The following RAB30 variants were observed in gnomAD, a reference collection of about 807,000 sequenced individuals.
RAB30 encodes the protein ras-related protein Rab-30.
In RAB30, 9 loss-of-function variants were observed where a neutral mutation model predicts 25.1. The observed-to-expected ratio is 0.36, with a 90% CI of 0.22 to 0.63. The LOEUF (loss-of-function observed/expected upper bound fraction) is 0.63, where lower values mean the gene tolerates loss of function less well. Among genes scored for constraint, RAB30 ranks in the 20% least tolerant of loss-of-function variants. The pLI, the probability that RAB30 is intolerant of heterozygous loss-of-function variation, is 0.69. For missense variants in RAB30, 140 were observed against 243.5 expected (o/e 0.58, Z 2.83); for synonymous variants, 77 against 86.4 (o/e 0.89, Z 0.60).
intron 1 of RAB30, among the ~76,000 whole-genome samples, chr11:83,030,323 C>G (rs569711416): frequency 6.7e-6 from 1 of 148,938 alleles, no homozygotes; most frequent in Non-Finnish European, 1.5e-5. Context: ...ATGGTGAGAC[C>G]GCATCTCTTC....
intron 1 of RAB30, among the ~76,000 whole-genome samples, chr11:83,016,094 T>C (rs1203193441): frequency 2.0e-5 from 3 of 152,158 alleles, no homozygotes; most frequent in Non-Finnish European, 4.4e-5. Context: ...GCTCTGATCA[T>C]GCCACTGTAC....
intron 1 of RAB30, among the ~76,000 whole-genome samples, chr11:83,042,578 C>G (rs1209576195): frequency 6.6e-6 from 1 of 151,890 alleles, no homozygotes; most frequent in African/African-American, 2.4e-5. Context: ...CAAAAAAACC[C>G]ACAAATCTTT....
intron 1 of RAB30, among the ~76,000 whole-genome samples, chr11:83,037,362 G>A (rs2121514406): frequency 6.6e-6 from 1 of 152,008 alleles, no homozygotes; most frequent in South Asian, 2.1e-4. Context: ...CAATTCTCCT[G>A]CCTCAGCCTC....
intron 1 of RAB30, among the ~76,000 whole-genome samples, chr11:83,018,191 C>T (rs1249386532): frequency 2.7e-5 from 4 of 150,236 alleles, no homozygotes; most frequent in Non-Finnish European, 5.9e-5. Flanking sequence ...CCCAGCTACT[C>T]GGGAGGCTGA....
At chr11:83,006,272 T>C (rs1857183476) in intron 1 of RAB30, among the ~76,000 whole-genome samples, 1 of 152,228 alleles carries the variant, frequency 6.6e-6, no homozygotes, top group Non-Finnish European at 1.5e-5. Context: ...AGGATATTTA[T>C]TACAACAGTA....
chr11:83,044,351 T>C (rs1013841812), intron 1 of RAB30, among the ~76,000 whole-genome samples: 2 of 152,252 alleles, frequency 1.3e-5, no homozygotes, highest in Non-Finnish European at 2.9e-5. Flanking sequence ...ACGCTGTATA[T>C]TGACTTATGT....
intron 1 of RAB30, among the ~76,000 whole-genome samples, chr11:83,027,679 A>T (rs1857756674): frequency 6.6e-6 from 1 of 152,206 alleles, no homozygotes; most frequent in African/African-American, 2.4e-5. Flanking sequence ...AATGAAAAAA[A>T]ATAAAATGTA....
chr11:83,045,079 T>A (rs1437188103), intron 1 of RAB30, among the ~76,000 whole-genome samples: 2 of 152,180 alleles, frequency 1.3e-5, no homozygotes, highest in Non-Finnish European at 2.9e-5. Context: ...TTAGCCTATC[T>A]CATGAAAGGA....
At chr11:82,984,707 T>C (rs1196551262) in intron 4 of RAB30, among the ~76,000 whole-genome samples, 1 of 152,134 alleles carries the variant, frequency 6.6e-6, no homozygotes, top group Non-Finnish European at 1.5e-5. Context: ...TCAGGAGGGC[T>C]CCTAACACCT....
Position 82,982,385 on chromosome 11 carries a change from T to C in RAB30, c.392A>G (p.Glu131Gly). ...TTCTTCAGCTCGCTGCTGGGAAACC[T>C]CTCTCCTTTCAGCCAGGTCAATCTT... ...GNKIDLAERR[E>G]VSQQRAEEFS... Residue 131 changes from glutamate (E) to glycine (G), a missense_variant, in exon 5 of 5, where the codon GAG becomes GGG. Physicochemically the swap from Glu to Gly is moderately conservative, Grantham distance 98. Transcript: ENST00000527633. 1.2e-6 allele frequency: 2 copies of C among 1,613,964 alleles called. No homozygotes were observed. The highest frequency in any genetic ancestry group is 1.7e-6 in the Non-Finnish European group (2 of 1,179,982).
At chr11:83,000,796 G>A (rs1290359900) in intron 1 of RAB30, among the ~76,000 whole-genome samples, 8 of 152,114 alleles carry the variant, frequency 5.3e-5, no homozygotes, top group African/African-American at 1.9e-4. Flanking sequence ...GCTCACGCCT[G>A]TAATCCCAGC....
At chr11:82,995,810 C>T (rs867414062) in intron 2 of RAB30, among the ~76,000 whole-genome samples, 3 of 152,192 alleles carry the variant, frequency 2.0e-5, no homozygotes, top group Non-Finnish European at 4.4e-5. Context: ...GCCACTCTAT[C>T]TAATCTCACA....
rs1856544448 is a variant in RAB30, at chr11:82,976,274, C to T, written c.*5891G>A. The T allele has an allele frequency of 6.6e-6, 1 of 152,206 alleles. No individual in the cohort carries two copies. Among genetic ancestry groups the T allele is most frequent in the African/African-American group, 2.4e-5 (1 of 41,462 alleles). 9.4% of individuals were successfully genotyped at this position (152,206 alleles called of 1,614,324 possible). A position where few individuals can be genotyped will look rare whatever the true frequency, so the allele number is the denominator to read the frequency against. On this transcript the variant is annotated 3_prime_UTR_variant, in exon 5 of 5. Transcript: ENST00000527633. ...TGCTCTTAATTAAAGTGAAAAAGAA[C>T]TAATATTTGAGTGCTAACTGTTTAC...
chr11:82,987,263 A>AT (rs1856755818), intron 4 of RAB30: 1 of 179,078 alleles, frequency 5.6e-6, no homozygotes, highest in Non-Finnish European at 1.2e-5. Flanking sequence ...TAAAAGATAC[A>AT]TTTTTCTTCT....
intron 1 of RAB30, among the ~76,000 whole-genome samples, chr11:83,026,854 G>T (rs1368654445): frequency 6.6e-6 from 1 of 152,064 alleles, no homozygotes; most frequent in Non-Finnish European, 1.5e-5. Flanking sequence ...TAAGACAATG[G>T]TGTCAAATTT....
chr11:83,069,710 A>C (rs981927068), intron 1 of RAB30, among the ~76,000 whole-genome samples: 2 of 152,242 alleles, frequency 1.3e-5, no homozygotes, highest in African/African-American at 4.8e-5. Flanking sequence ...TTTCATGTAG[A>C]GCATTTAAAA....
intron 1 of RAB30, among the ~76,000 whole-genome samples, chr11:83,064,661 G>A (rs1226891030): frequency 6.6e-6 from 1 of 152,132 alleles, no homozygotes; most frequent in East Asian, 1.9e-4. Context: ...GAAATGACCA[G>A]GAAAATCACT....
At chr11:83,050,618 A>C (rs1858337394) in intron 1 of RAB30, among the ~76,000 whole-genome samples, 1 of 152,338 alleles carries the variant, frequency 6.6e-6, no homozygotes, top group South Asian at 2.1e-4. Flanking sequence ...CAAGGCATGA[A>C]ATTATAGAGC....
At chr11:83,070,053 T>C (rs1858795542) in intron 1 of RAB30, among the ~76,000 whole-genome samples, 1 of 138,688 alleles carries the variant, frequency 7.2e-6, no homozygotes, top group African/African-American at 2.7e-5. Flanking sequence ...GGAGGGGTTT[T>C]GAAACAGAAA....
Sources: gnomAD v4.1 joint callset for allele counts (sites outside exome capture counted in the v4.1 genomes callset) on GRCh38, gnomAD v4.1.1 for gene constraint, MANE v1.5 for transcripts, NCBI Gene and HGNC (gene_info 2026-07-23, HGNC 2026-07-21) for gene names.